Variants in SCAI observed in about 807,000 individuals in gnomAD.
The protein encoded by SCAI is suppressor of cancer cell invasion.
Under a neutral mutation model 92.2 loss-of-function variants are expected in SCAI, and 24 were observed. The observed-to-expected ratio is 0.26, with a 90% CI of 0.19 to 0.37. SCAI has a LOEUF of 0.37. Ranked by LOEUF, SCAI falls within the 10% of genes least tolerant of loss-of-function variation. The pLI, the probability that SCAI is intolerant of heterozygous loss-of-function variation, is 1.00. For synonymous variants in SCAI, 261 were observed against 258.6 expected (o/e 1.01, Z -0.09); for missense variants, 450 against 736.2 (o/e 0.61, Z 4.50).
intron 2 of SCAI, among the ~76,000 whole-genome samples, chr9:125,139,576 A>G (rs1442346113): frequency 6.6e-6 from 1 of 152,270 alleles, no homozygotes; most frequent in East Asian, 1.9e-4. Flanking sequence ...TAGACATTTA[A>G]TAGTTCCATC....
At chr9:125,102,836 G>A (rs1834705692) in intron 2 of SCAI, among the ~76,000 whole-genome samples, 1 of 152,118 alleles carries the variant, frequency 6.6e-6, no homozygotes, top group Non-Finnish European at 1.5e-5. Context: ...GACCTCAGGT[G>A]ATCCACCCAC....
chr9:125,136,641 A>G (rs1835538032), intron 2 of SCAI, among the ~76,000 whole-genome samples: 1 of 150,570 alleles, frequency 6.6e-6, no homozygotes, highest in African/African-American at 2.4e-5. Context: ...TTGTACTTTT[A>G]GTAGAGACGG....
intron 17 of SCAI, among the ~76,000 whole-genome samples, chr9:124,960,627 G>A (rs887180217): frequency 1.3e-5 from 2 of 152,160 alleles, no homozygotes; most frequent in African/African-American, 4.8e-5. Context: ...AATCTCGAGT[G>A]AAAACAATCA....
At chr9:124,956,057 C>T (rs964638678) in intron 17 of SCAI, among the ~76,000 whole-genome samples, 6 of 152,064 alleles carry the variant, frequency 3.9e-5, no homozygotes, top group African/African-American at 1.2e-4. Context: ...ATCCTGATAA[C>T]AAAACCACAT....
chr9:125,142,255 G>C (rs1835683789), intron 2 of SCAI: 1 of 176,756 alleles, frequency 5.7e-6, no homozygotes, highest in African/African-American at 2.4e-5. Flanking sequence ...TCCTGCCTCA[G>C]CCTCCCAAAG....
chr9:124,962,438 G>A (rs762717864), intron 17 of SCAI, among the ~76,000 whole-genome samples: 1 of 152,122 alleles, frequency 6.6e-6, no homozygotes, highest in Non-Finnish European at 1.5e-5. Context: ...TGGGATTACA[G>A]GTGTGAGCTA....
At chr9:125,140,401 G>T (rs1179734251) in intron 2 of SCAI, among the ~76,000 whole-genome samples, 1 of 151,806 alleles carries the variant, frequency 6.6e-6, no homozygotes, top group Non-Finnish European at 1.5e-5. Context: ...GGTGGCAGGC[G>T]CCTGTAATCC....
chr9:125,066,956 T>C (rs1833884213), intron 2 of SCAI, among the ~76,000 whole-genome samples: 1 of 152,162 alleles, frequency 6.6e-6, no homozygotes, highest in East Asian at 1.9e-4. Flanking sequence ...GAAGCCTAGG[T>C]ATGTAGGAAG....
chr9:125,123,102 T>C (rs1835190832), intron 2 of SCAI, among the ~76,000 whole-genome samples: 1 of 152,094 alleles, frequency 6.6e-6, no homozygotes, highest in East Asian at 1.9e-4. Context: ...TGGCTCACAC[T>C]TGCAATCCTA....
chr9:125,099,640 T>C (rs1229880634), intron 2 of SCAI, among the ~76,000 whole-genome samples: 2 of 152,240 alleles, frequency 1.3e-5, no homozygotes, highest in Admixed American at 6.5e-5. Flanking sequence ...ACTGGTACTT[T>C]GGCTTAGGCT....
chr9:125,085,008 A>C (rs747892457), intron 2 of SCAI, among the ~76,000 whole-genome samples: 6 of 152,216 alleles, frequency 3.9e-5, no homozygotes, highest in Non-Finnish European at 8.8e-5. Context: ...ATTTGTATGG[A>C]GGATAATGAG....
intron 2 of SCAI, among the ~76,000 whole-genome samples, chr9:125,136,764 TACC>T (rs1835542660): frequency 7.6e-6 from 1 of 132,364 alleles, no homozygotes; most frequent in Non-Finnish European, 1.6e-5. Flanking sequence ...CGGCAACTAA[TACC>T]ACTTTTTTTT....
chr9:125,082,130 G>C (rs992503537), intron 2 of SCAI, among the ~76,000 whole-genome samples: 1 of 152,194 alleles, frequency 6.6e-6, no homozygotes, highest in Admixed American at 6.5e-5. Context: ...CCAGGCCCAG[G>C]GTCGCCATGC....
intron 4 of SCAI, among the ~76,000 whole-genome samples, chr9:125,028,728 A>AC (rs774035735): frequency 6.7e-6 from 1 of 149,168 alleles, no homozygotes; most frequent in African/African-American, 2.4e-5. Context: ...AAATCATCCT[A>AC]CCTATGCTCT....
chr9:124,980,127 T>C (rs1285024615), intron 14 of SCAI, among the ~76,000 whole-genome samples: 2 of 152,032 alleles, frequency 1.3e-5, no homozygotes, highest in Non-Finnish European at 2.9e-5. Context: ...GGGAGTAAAT[T>C]GAATGATTCT....
intron 2 of SCAI, among the ~76,000 whole-genome samples, chr9:125,104,947 G>T (rs182810019): frequency 1.4e-5 from 2 of 141,126 alleles, no homozygotes; most frequent in African/African-American, 5.4e-5. Flanking sequence ...AACAGAGCAA[G>T]ACCCTGTCTC....
At chr9:125,056,953 C>T (rs1361337550) in intron 2 of SCAI, among the ~76,000 whole-genome samples, 2 of 152,150 alleles carry the variant, frequency 1.3e-5, no homozygotes, top group Non-Finnish European at 2.9e-5. Flanking sequence ...TATATTGAAA[C>T]TATCTCCACT....
chr9:125,142,786 G>C, intron 1 of SCAI, 109 bp from the exon 2 acceptor site: 1 of 894,186 alleles, frequency 1.1e-6, no homozygotes, highest in Admixed American at 1.9e-5. Context: ...GGGACCACAG[G>C]CTCGCCAAGC....
chr9:125,107,228 G>C (rs1282531045), intron 2 of SCAI, among the ~76,000 whole-genome samples: 1 of 151,884 alleles, frequency 6.6e-6, no homozygotes, highest in East Asian at 1.9e-4. Flanking sequence ...GGCCAACATA[G>C]TGAAACCCCG....
Sources: allele counts gnomAD v4.1 joint callset (sites outside exome capture counted in the v4.1 genomes callset), GRCh38; gene constraint gnomAD v4.1.1; transcripts MANE v1.5; gene names NCBI Gene and HGNC (gene_info 2026-07-23, HGNC 2026-07-21).